Variants in ERC2 observed in about 807,000 individuals in gnomAD.
ERC2 encodes the protein ERC protein 2.
A neutral mutation model predicts 114.8 loss-of-function variants in ERC2; 42 were observed. The observed-to-expected ratio is 0.37, with a 90% CI of 0.29 to 0.47. ERC2 has a LOEUF of 0.47. Ranked by LOEUF, ERC2 falls within the 20% of genes least tolerant of loss-of-function variation. The pLI, the probability that ERC2 is intolerant of heterozygous loss-of-function variation, is 0.99. For synonymous variants in ERC2, 454 were observed against 425.5 expected, an observed-to-expected ratio of 1.07 and a Z score of -0.82; for missense variants, 939 against 1,150.7, an observed-to-expected ratio of 0.82 and a Z score of 2.66.
At chr3:56,409,699 A>G (rs2060867996) in intron 2 of ERC2, among the ~76,000 whole-genome samples, 1 of 152,156 alleles carries the variant, frequency 6.6e-6, no homozygotes, top group African/African-American at 2.4e-5. Flanking sequence ...TTGAATAAAG[A>G]TCTAAAACTC....
intron 17 of ERC2, among the ~76,000 whole-genome samples, chr3:55,572,595 A>G (rs2056775035): frequency 6.6e-6 from 1 of 152,238 alleles, no homozygotes; most frequent in Non-Finnish European, 1.5e-5. Context: ...TTGACAGCCA[A>G]GTCTCACAAT....
At chr3:55,928,799 G>A (rs1323910740) in intron 13 of ERC2, among the ~76,000 whole-genome samples, 2 of 152,148 alleles carry the variant, frequency 1.3e-5, no homozygotes, top group Admixed American at 1.3e-4. Context: ...GGCAGAGACT[G>A]GGGGCTAGTT....
At chr3:55,759,645 C>T (rs1248773905) in intron 14 of ERC2, among the ~76,000 whole-genome samples, 1 of 151,996 alleles carries the variant, frequency 6.6e-6, no homozygotes, top group Non-Finnish European at 1.5e-5. Flanking sequence ...GCAACATAAT[C>T]ATGGAGGAAA....
chr3:55,645,951 C>T (rs1264543553), intron 17 of ERC2, among the ~76,000 whole-genome samples: 7 of 152,120 alleles, frequency 4.6e-5, no homozygotes, highest in Admixed American at 4.6e-4. Flanking sequence ...CACATAGTGG[C>T]TGGTGAGGGG....
chr3:56,194,417 C>A (rs1275528756), intron 3 of ERC2, among the ~76,000 whole-genome samples: 2 of 152,172 alleles, frequency 1.3e-5, no homozygotes, highest in East Asian at 3.9e-4. Flanking sequence ...GCAGGCACCA[C>A]TGTACTCTAC....
At position 55,629,974 on chromosome 3, in the gene ERC2, AG is replaced by A. The variant is rs2059678947; in HGVS notation, c.*39+53819del. 3.3e-5 allele frequency among the ~76,000 whole-genome samples: 5 copies of A among 152,150 alleles called. No homozygotes were observed. The South Asian group carries it at 1.0e-3, about 32-fold the overall frequency. On this transcript the variant is annotated intron_variant, in intron 17 of 17. Coordinates refer to ENST00000288221, the MANE Select transcript of ERC2 (RefSeq NM_015576.3). ...CAATAAGCTAGTCGTACTGGTGGGG[AG>A]GGGTAGAAAGAAAGTGGGGTACCAT...
At chr3:56,350,544 AAAG>A (rs2058511762) in intron 2 of ERC2, among the ~76,000 whole-genome samples, 1 of 151,744 alleles carries the variant, frequency 6.6e-6, no homozygotes, top group Admixed American at 6.6e-5. Context: ...GGCACTTGGA[AAAG>A]AAGAGGATAT....
chr3:56,080,774 C>T (rs1317921781), intron 7 of ERC2, 43 bp downstream of exon 7: 1 of 1,582,922 alleles, frequency 6.3e-7, no homozygotes, highest in South Asian at 1.1e-5. Flanking sequence ...AATGACAAAA[C>T]ATGGATGATA....
intron 7 of ERC2, among the ~76,000 whole-genome samples, chr3:56,049,255 G>GA (rs1484491043): frequency 9.2e-5 from 14 of 152,238 alleles, no homozygotes; most frequent in African/African-American, 3.4e-4. Context: ...AGTGAAAGCA[G>GA]AAACGGCTGA....
chr3:55,756,740 C>G (rs62249341), intron 14 of ERC2, among the ~76,000 whole-genome samples: 2,858 of 152,260 alleles, frequency 0.019, 36 homozygotes, highest in Middle Eastern at 0.034. Flanking sequence ...TGGAAGATCA[C>G]TCTTTTTAGA....
chr3:55,676,205 G>T (rs2061802697), intron 17 of ERC2, among the ~76,000 whole-genome samples: 1 of 151,714 alleles, frequency 6.6e-6, no homozygotes, highest in Non-Finnish European at 1.5e-5. Context: ...TTACAGGTGT[G>T]AGCCAGCGTG....
intron 2 of ERC2, among the ~76,000 whole-genome samples, chr3:56,344,299 T>G (rs888971712): frequency 1.3e-5 from 2 of 152,174 alleles, no homozygotes; most frequent in African/African-American, 4.8e-5. Flanking sequence ...AGCCCTCCAT[T>G]GCCCTGGCAA....
intron 15 of ERC2, among the ~76,000 whole-genome samples, chr3:55,730,636 C>T (rs754981783): frequency 1.3e-5 from 2 of 152,114 alleles, no homozygotes; most frequent in Admixed American, 6.5e-5. Context: ...TTTGGGAGGC[C>T]GAGGTGGGAA....
At chr3:55,573,703 C>A (rs1200683728) in intron 17 of ERC2, among the ~76,000 whole-genome samples, 1 of 152,106 alleles carries the variant, frequency 6.6e-6, no homozygotes, top group African/African-American at 2.4e-5. Flanking sequence ...CCTCAGCCCA[C>A]ATGTCCCTGC....
chr3:55,585,552 G>C (rs1428906854), intron 17 of ERC2, among the ~76,000 whole-genome samples: 1 of 152,160 alleles, frequency 6.6e-6, no homozygotes, highest in African/African-American at 2.4e-5. Context: ...AACTGTTGGG[G>C]TTCTAGATGT....
rs530177644 is a variant in ERC2 at position 55,782,959 on chromosome 3, A to T, written c.2565-48041T>A. ...ACAAAAGAATACAGTGACATTCAAC[A>T]GATGGTAAATAGCAAAGCCAGAATT... On this transcript the variant is annotated intron_variant, in intron 14 of 17. Coordinates refer to ENST00000288221, the MANE Select transcript of ERC2 (RefSeq NM_015576.3). 2.0e-4 allele frequency among the ~76,000 whole-genome samples: 30 copies of T among 152,360 alleles called. No individual in the cohort carries two copies. The South Asian group carries it at 6.2e-3, about 32-fold the overall frequency.
chr3:55,710,487 TG>T (rs1435435936), intron 15 of ERC2, among the ~76,000 whole-genome samples: 1 of 152,106 alleles, frequency 6.6e-6, no homozygotes, highest in Non-Finnish European at 1.5e-5. Context: ...GTCATATGGT[TG>T]TTTTTTTTTT....
At chr3:55,525,634 A>T (rs1311250303) in intron 17 of ERC2, among the ~76,000 whole-genome samples, 1 of 152,196 alleles carries the variant, frequency 6.6e-6, no homozygotes, top group Non-Finnish European at 1.5e-5. Context: ...AACCTCAAGC[A>T]CCAAGGACAC....
At chr3:55,826,042 G>A (rs1250496278) in intron 14 of ERC2, among the ~76,000 whole-genome samples, 2 of 151,716 alleles carry the variant, frequency 1.3e-5, no homozygotes, top group African/African-American at 4.8e-5. Context: ...AGGAAGGAAG[G>A]GAGGAAGGGA....
Sources: gnomAD v4.1 joint callset for allele counts (sites outside exome capture counted in the v4.1 genomes callset) on GRCh38, gnomAD v4.1.1 for gene constraint, MANE v1.5 for transcripts, NCBI Gene and HGNC (gene_info 2026-07-23, HGNC 2026-07-21) for gene names.